The following CACNA1A variants were observed in gnomAD, a reference collection of about 807,000 sequenced individuals.
The protein encoded by CACNA1A is calcium voltage-gated channel subunit alpha1 A, also known as voltage-dependent P/Q-type calcium channel subunit alpha-1A.
A neutral mutation model predicts 262.4 loss-of-function variants in CACNA1A; 57 were observed. The observed-to-expected ratio is 0.22, with a 90% CI of 0.18 to 0.27. The LOEUF (loss-of-function observed/expected upper bound fraction) is 0.27. CACNA1A is among the 10% of genes least tolerant of loss of function. The probability of loss-of-function intolerance (pLI) is 1.00; values close to 1 mark genes in which losing one functional copy is unlikely to be tolerated. For missense variants in CACNA1A, 2,526 were observed against 3,562.8 expected (o/e 0.71, Z 7.41); for synonymous variants, 1,431 against 1,419.3 (o/e 1.01, Z -0.18).
At chr19:13,337,844 T>C (rs1414491513) in intron 6 of CACNA1A, among the ~76,000 whole-genome samples, 1 of 152,208 alleles carries the variant, frequency 6.6e-6, no homozygotes, top group Non-Finnish European at 1.5e-5. Context: ...GTCTCGCCTA[T>C]TGCTCCTAGG....
intron 3 of CACNA1A, among the ~76,000 whole-genome samples, chr19:13,428,183 C>T (rs1161552548): frequency 6.6e-6 from 1 of 152,204 alleles, no homozygotes; most frequent in African/African-American, 2.4e-5. Flanking sequence ...CTGCCTTGGC[C>T]TCACGACGTG....
chr19:13,355,119 G>A, intron 6 of CACNA1A, among the ~76,000 whole-genome samples: 1 of 152,044 alleles, frequency 6.6e-6, no homozygotes, highest in Non-Finnish European at 1.5e-5. Flanking sequence ...CAAGTGATCT[G>A]CCTGCCTCGG....
chr19:13,295,002 C>T (rs369096560), intron 19 of CACNA1A, among the ~76,000 whole-genome samples: 1 of 152,174 alleles, frequency 6.6e-6, no homozygotes, highest in East Asian at 1.9e-4. Flanking sequence ...TTTGCACATG[C>T]TGTTGTTAGA....
intron 6 of CACNA1A, among the ~76,000 whole-genome samples, chr19:13,339,941 C>T (rs576578378): frequency 3.0e-4 from 46 of 152,262 alleles, no homozygotes; most frequent in Non-Finnish European, 6.2e-4. Flanking sequence ...AAGAAAGAAC[C>T]GAGTCAGCGG....
chr19:13,384,402 C>G (rs2059573708), intron 3 of CACNA1A, among the ~76,000 whole-genome samples: 1 of 152,028 alleles, frequency 6.6e-6, no homozygotes, highest in Non-Finnish European at 1.5e-5. Context: ...CAGTCAAGTT[C>G]AAAAGCATTT....
intron 6 of CACNA1A, among the ~76,000 whole-genome samples, chr19:13,356,824 T>G (rs1188694316): frequency 1.3e-5 from 2 of 152,002 alleles, no homozygotes; most frequent in Non-Finnish European, 2.9e-5. Context: ...CCACAAAAAT[T>G]CCCCAGTGAG....
chr19:13,299,153 G>C lies in CACNA1A; in HGVS notation c.2480C>G (p.Pro827Arg). 6.2e-7 allele frequency: 1 copy of C among 1,613,296 alleles called. No individual in the cohort carries two copies. The part of the protein sequence containing the change: ...THLDRPLVVD[P>R]QENRNNNTNK... ...GGTGTTGTTGTTGCGGTTCTCCTGCGGGTCCACCACCAGCGGCCGGTCCAA... is the reference window on the plus strand; with the variant it reads ...GGTGTTGTTGTTGCGGTTCTCCTGCCGGTCCACCACCAGCGGCCGGTCCAA... The change falls in exon 19 of 47, where the codon CCG becomes CGG. Residue 827 changes from proline to arginine, a missense_variant. Pro to Arg is a moderately radical substitution (Grantham distance 103). Around this residue, in one of 17 missense-constraint regions of CACNA1A, gnomAD observed 765 missense variants for 748.6 expected, o/e 1.02. Coordinates refer to ENST00000360228, the MANE Select transcript of CACNA1A (RefSeq NM_001127222.2).
chr19:13,318,660 G>A (rs545226732), intron 10 of CACNA1A, among the ~76,000 whole-genome samples: 3 of 152,148 alleles, frequency 2.0e-5, no homozygotes, highest in Admixed American at 6.5e-5. Flanking sequence ...GTAGTTAAGC[G>A]GGGAGGATTT....
In CACNA1A at chr19:13,209,453, C is replaced by T. The variant is rs1369133711; in HGVS notation, c.6385G>A (p.Gly2129Ser). Residue 2129 changes from glycine to serine, a missense_variant, in exon 45 of 47, where the codon GGC (glycine) becomes AGC (serine). Physicochemically the swap from Gly to Ser is moderately conservative, Grantham distance 56 (BLOSUM62 0). Coordinates refer to ENST00000360228, the MANE Select transcript of CACNA1A (RefSeq NM_001127222.2). The part of the protein sequence containing the change: ...SPMKRSASVL[G>S]PKARRLDDYS... ...TCGTCCAGGCGTCGGGCCTTGGGGC[C>T]CAGCACGGAGGCTGAACGCTTCATG... 3 of 1,368,884 alleles carry T rather than the reference C, an allele frequency of 2.2e-6. No individual in the cohort carries two copies. The highest frequency in any genetic ancestry group is 2.8e-6 in the Non-Finnish European group (3 of 1,055,868). The allele number at this position is 1,368,884 out of a possible 1,614,324, so 84.8% of individuals were successfully genotyped here.
chr19:13,209,845 G>A (rs1568420592), intron 44 of CACNA1A, among the ~76,000 whole-genome samples: 1 of 152,100 alleles, frequency 6.6e-6, no homozygotes, highest in Non-Finnish European at 1.5e-5. Context: ...CCAGAGGGAA[G>A]CCCTCTCCAC....
intron 2 of CACNA1A, among the ~76,000 whole-genome samples, chr19:13,453,490 C>A (rs1216498077): frequency 2.0e-5 from 3 of 152,190 alleles, no homozygotes; most frequent in African/African-American, 7.2e-5. Flanking sequence ...TTACTTGTCA[C>A]ATGCAGCGTT....
At chr19:13,427,947 T>TG (rs1431959975) in intron 3 of CACNA1A, among the ~76,000 whole-genome samples, 1 of 151,974 alleles carries the variant, frequency 6.6e-6, no homozygotes, top group African/African-American at 2.4e-5. Context: ...AACAGGTTGT[T>TG]TTTTTTTGTG....
At position 13,224,682 on chromosome 19, in the gene CACNA1A, T is replaced by C. The variant is rs1360118866; in HGVS notation, c.5716A>G (p.Ile1906Val). ...LMALIRTALD[I>V]KIAKGGADKQ... ...CCTTCCTTACCCTTGGCAATCTTGA[T>C]GTCCAGGGCTGTGCGGATCAGAGCC... Residue 1906 changes from isoleucine (I) to valine (V), a missense_variant, in exon 38 of 47, where the codon ATC (isoleucine) becomes GTC (valine). Ile to Val is a conservative substitution (Grantham distance 29). Transcript: ENST00000360228. 1.9e-6 allele frequency: 3 copies of C among 1,610,962 alleles called. No homozygotes were observed. In the South Asian group the frequency reaches 3.3e-5, roughly 18 times the overall value.
chr19:13,311,903 C>T (rs903345598), intron 12 of CACNA1A, among the ~76,000 whole-genome samples: 5 of 151,886 alleles, frequency 3.3e-5, no homozygotes, highest in Non-Finnish European at 7.4e-5. Context: ...CTGAGACCAA[C>T]AGGACTATGG....
chr19:13,221,218 T>TTTTCTTTTCTCTTC (rs1555734399), intron 38 of CACNA1A, among the ~76,000 whole-genome samples: 1 of 25,654 alleles, frequency 3.9e-5, no homozygotes, highest in Non-Finnish European at 6.7e-5. Flanking sequence ...TTGTTTTTTC[T>TTTTCTTTTCTCTTC]TTTCTTTCTT....
Position 13,506,300 on chromosome 19 carries a change from C to A in CACNA1A, c.-76G>T. On this transcript the variant is annotated 5_prime_UTR_variant, in exon 1 of 47. Coordinates refer to ENST00000360228, the MANE Select transcript of CACNA1A (RefSeq NM_001127222.2). Reference sequence around the variant, plus strand: ...GACGCCGCCGCCGCCGCCGCCGCCGCTGATGCTGAGGCTGCCGGGGCTGGG... The same window carrying A: ...GACGCCGCCGCCGCCGCCGCCGCCGATGATGCTGAGGCTGCCGGGGCTGGG... The A allele has an allele frequency of 2.3e-6, 3 of 1,297,742 alleles. No homozygotes were observed. The highest frequency in any genetic ancestry group is 3.0e-6 in the Non-Finnish European group (3 of 1,002,390). The allele number at this position is 1,297,742 out of a possible 1,614,324, so 80.4% of individuals were successfully genotyped here. A position where few individuals can be genotyped will look rare whatever the true frequency, so the allele number is the denominator to read the frequency against.
chr19:13,409,741 G>T (rs1312188358), intron 3 of CACNA1A, among the ~76,000 whole-genome samples: 2 of 151,938 alleles, frequency 1.3e-5, no homozygotes, highest in African/African-American at 4.8e-5. Context: ...ACAGTGTTTT[G>T]CCATGTTGCT....
Position 13,236,787 on chromosome 19 carries a change from C to A in CACNA1A, c.4951-1057G>T, listed in dbSNP as rs2055892240. On this transcript the variant is annotated intron_variant, in intron 31 of 46. Coordinates refer to ENST00000360228, the MANE Select transcript of CACNA1A (RefSeq NM_001127222.2). The surrounding 1 kb of genome is among the most constrained non-coding windows in gnomAD (Gnocchi z 4.6). ...CAAAAACCCCCTGTCTAGTCACTGC[C>A]TCTGCCTCCTCCCACCCAAGCTAGA... is the stretch of plus-strand genomic sequence containing the variant. Among the ~76,000 whole-genome samples, 1 of 152,054 alleles carries A rather than the reference C, an allele frequency of 6.6e-6. No homozygotes were observed. Among genetic ancestry groups the A allele is most frequent in the Non-Finnish European group, 1.5e-5 (1 of 68,024 alleles).
At chr19:13,403,634 G>A (rs773448150) in intron 3 of CACNA1A, among the ~76,000 whole-genome samples, 35 of 152,052 alleles carry the variant, frequency 2.3e-4, no homozygotes, top group Non-Finnish European at 3.5e-4. Flanking sequence ...TGTGCTTGGC[G>A]ACCTTTATAA....
Sources: allele counts gnomAD v4.1 joint callset (sites outside exome capture counted in the v4.1 genomes callset), GRCh38; gene constraint gnomAD v4.1.1; regional missense constraint gnomAD v4.1.1; non-coding constraint Gnocchi (gnomAD v3.1); transcripts MANE v1.5; gene names NCBI Gene and HGNC (gene_info 2026-07-23, HGNC 2026-07-21).